ATXN3: variants seen among roughly 807,000 people sequenced by gnomAD.
The protein encoded by ATXN3 is ataxin 3.
ATXN3 carries 28 observed loss-of-function variants against 58.2 expected under a neutral mutation model. The observed-to-expected ratio is 0.48, with a 90% CI of 0.36 to 0.66. ATXN3 has a LOEUF of 0.66. ATXN3 is among the 30% of genes least tolerant of loss of function. ATXN3 has a pLI of 0.00. For missense variants in ATXN3, 321 were observed against 422.1 expected (o/e 0.76, Z 2.10); for synonymous variants, 113 against 138.5 (o/e 0.82, Z 1.29).
At chr14:92,090,034 C>T (rs1180916348) in intron 5 of ATXN3, among the ~76,000 whole-genome samples, 2 of 138,118 alleles carry the variant, frequency 1.4e-5, no homozygotes, top group African/African-American at 5.6e-5. Flanking sequence ...GAATTTGAGA[C>T]CAGCCTGGGC....
rs1460173070 is a variant in ATXN3 at position 92,059,146 on chromosome 14, G to A, written c.*5174C>T. 2.6e-5 allele frequency: 4 copies of A among 152,026 alleles called. No individual in the cohort carries two copies. The highest frequency in any genetic ancestry group is 7.2e-5 in the African/African-American group (3 of 41,464). The allele number at this position is 152,026 out of a possible 1,614,324, so 9.4% of individuals were successfully genotyped here. On this transcript the variant is annotated 3_prime_UTR_variant, in exon 11 of 11. Transcript: ENST00000644486. The stretch of plus-strand genomic sequence containing the variant: ...CAATTACGACAAATTTAGAAGTTAC[G>A]TTATTAGCACTAATTCTTAAAATGC...
chr14:92,069,650 G>GC, intron 10 of ATXN3, among the ~76,000 whole-genome samples: 1 of 152,200 alleles, frequency 6.6e-6, no homozygotes, highest in East Asian at 1.9e-4. Flanking sequence ...GGGATTATAG[G>GC]CATGGGCCAC....
At chr14:92,079,551 G>T in intron 9 of ATXN3, 2 of 418,714 alleles carry the variant, frequency 4.8e-6, no homozygotes, top group Non-Finnish European at 6.4e-6. Flanking sequence ...TATAGGTGCT[G>T]CTAATATACT....
At position 92,060,270 on chromosome 14, in the gene ATXN3, A is replaced by ATATACACACACATATATATATATATAT. The variant is rs1555392594; in HGVS notation, c.*4049_*4050insATATATATATATATATGTGTGTGTATA. ...CACACATATATATATATATATATAT[A>ATATACACACACATATATATATATATAT]TTTTTTTTTTTCAGAAACAGTGTCT... On this transcript the variant is annotated 3_prime_UTR_variant, in exon 11 of 11. Coordinates refer to ENST00000644486, the MANE Select transcript of ATXN3 (RefSeq NM_004993.6). The ATATACACACACATATATATATATATAT allele has an allele frequency of 1.7e-5, 2 of 117,420 alleles. No homozygotes were observed. Among genetic ancestry groups the ATATACACACACATATATATATATATAT allele is most frequent in the African/African-American group, 7.1e-5 (2 of 28,294 alleles). 7.3% of individuals were successfully genotyped at this position (117,420 alleles called of 1,614,324 possible).
In ATXN3 at chr14:92,070,758, TTTC is replaced by T; in HGVS notation, c.991+174_991+176del. The stretch of plus-strand genomic sequence containing the variant: ...ACCACATCTAGCTTTTTTTTTTTTT[TTTC>T]TTTTGGTAACTGCTCCTTAATCCAG... On this transcript the variant is annotated intron_variant, in intron 10 of 10. Coordinates refer to ENST00000644486, the MANE Select transcript of ATXN3 (RefSeq NM_004993.6). 1.0e-3 allele frequency: 1,376 copies of T among 1,326,900 alleles called. 6 individuals are homozygous for T. The highest frequency in any genetic ancestry group is 4.1e-3 in the East Asian group (143 of 34,754). 82.2% of individuals were successfully genotyped at this position (1,326,900 alleles called of 1,614,324 possible).
intron 1 of ATXN3, among the ~76,000 whole-genome samples, chr14:92,101,485 A>G (rs577246059): frequency 3.9e-5 from 6 of 152,276 alleles, no homozygotes; most frequent in South Asian, 2.1e-4. Flanking sequence ...ATCTCAAACT[A>G]TCCCCAGCCA....
intron 9 of ATXN3, among the ~76,000 whole-genome samples, chr14:92,075,673 A>C (rs1375291910): frequency 6.6e-6 from 1 of 152,196 alleles, no homozygotes; most frequent in Non-Finnish European, 1.5e-5. Context: ...GGGAAGAAAG[A>C]GTTAGCTTGA....
At chr14:92,075,680 T>C (rs1723270865) in intron 9 of ATXN3, among the ~76,000 whole-genome samples, 1 of 152,130 alleles carries the variant, frequency 6.6e-6, no homozygotes, top group South Asian at 2.1e-4. Flanking sequence ...AAGAGTTAGC[T>C]TGATAACCTT....
intron 1 of ATXN3, among the ~76,000 whole-genome samples, chr14:92,101,894 C>G (rs901313304): frequency 6.7e-6 from 1 of 148,870 alleles, no homozygotes; most frequent in African/African-American, 2.5e-5. Flanking sequence ...GTAGCTCACG[C>G]CTGTAATCCC....
intron 3 of ATXN3, among the ~76,000 whole-genome samples, chr14:92,094,083 C>A (rs1025662718): frequency 6.6e-6 from 1 of 151,706 alleles, no homozygotes. Flanking sequence ...GCTGGGATTA[C>A]AAGCACACGC....
intron 4 of ATXN3, 71 bp downstream of exon 4, chr14:92,093,675 C>T: frequency 8.5e-7 from 1 of 1,179,736 alleles, no homozygotes. Flanking sequence ...TATTTCTCTT[C>T]TTTAAGAAAT....
At chr14:92,045,883 G>T (rs750604472) in intron 2 of ATXN3, among the ~76,000 whole-genome samples, 3 of 152,246 alleles carry the variant, frequency 2.0e-5, no homozygotes, top group African/African-American at 7.2e-5. Context: ...GTGAGGGACA[G>T]AAGTTAGAAA....
At chr14:92,086,668 G>A (rs1027237942) in intron 6 of ATXN3, among the ~76,000 whole-genome samples, 1 of 151,864 alleles carries the variant, frequency 6.6e-6, no homozygotes, top group Non-Finnish European at 1.5e-5. Flanking sequence ...AGGAGGCAGA[G>A]TTCAAGAAAA....
In ATXN3 at chr14:92,058,855, A is replaced by G. The variant is rs909912895; in HGVS notation, c.*5465T>C. On this transcript the variant is annotated 3_prime_UTR_variant, in exon 11 of 11. Transcript: ENST00000644486. ...CTGTACTTGAATTTCAAATATTTATACAGAACAGTAATTTTTAAAAAGTTA... is the reference window on the plus strand; with the variant it reads ...CTGTACTTGAATTTCAAATATTTATGCAGAACAGTAATTTTTAAAAAGTTA... 6.6e-6 allele frequency: 1 copy of G among 152,212 alleles called. No homozygotes were observed. The highest frequency in any genetic ancestry group is 1.5e-5 in the Non-Finnish European group (1 of 68,036). The allele number at this position is 152,212 out of a possible 1,614,324, so 9.4% of individuals were successfully genotyped here.
At chr14:92,099,358 G>C (rs2066170894) in intron 1 of ATXN3, among the ~76,000 whole-genome samples, 1 of 152,214 alleles carries the variant, frequency 6.6e-6, no homozygotes, top group African/African-American at 2.4e-5. Flanking sequence ...ACAACATTGA[G>C]ACAGCCTCAG....
intron 6 of ATXN3, among the ~76,000 whole-genome samples, chr14:92,087,775 C>T (rs1289901845): frequency 2.6e-5 from 4 of 152,094 alleles, no homozygotes; most frequent in Non-Finnish European, 5.9e-5. Context: ...AAAAAACAGA[C>T]AAAACATGGT....
rs1294587813 is a variant in ATXN3 at position 92,059,008 on chromosome 14, G to A, written c.*5312C>T. The A allele has an allele frequency of 6.7e-6, 1 of 150,374 alleles. No individual in the cohort carries two copies. Among genetic ancestry groups the A allele is most frequent in the East Asian group, 1.9e-4 (1 of 5,148 alleles). 9.3% of individuals were successfully genotyped at this position (150,374 alleles called of 1,614,324 possible). ...TCCTTGAACTATGCAAGAGACAATT[G>A]AGAGCTTCCTAAATGCATCAGGAAT... is the stretch of plus-strand genomic sequence containing the variant. On this transcript the variant is annotated 3_prime_UTR_variant, in exon 11 of 11. Transcript: ENST00000644486.
upstream of ATXN3, among the ~76,000 whole-genome samples, chr14:92,052,741 A>G (rs2057453122): frequency 6.6e-6 from 1 of 152,156 alleles, no homozygotes; most frequent in Non-Finnish European, 1.5e-5. Flanking sequence ...CCAGGTGCCC[A>G]GAGAGCTGAA....
rs55692120 is a variant in ATXN3 at position 92,062,323 on chromosome 14, A to C, written c.*1997T>G. The C allele has an allele frequency of 7.9e-5, 12 of 152,178 alleles. No individual in the cohort carries two copies. Among genetic ancestry groups the C allele is most frequent in the Non-Finnish European group, 1.8e-4 (12 of 68,024 alleles). 9.4% of individuals were successfully genotyped at this position (152,178 alleles called of 1,614,324 possible). A position where few individuals can be genotyped will look rare whatever the true frequency, so the allele number is the denominator to read the frequency against. ...AAAGTCAAACATGCCATATTTTCTT[A>C]AGTGCTTTAACTAGGGTATATATGA... On this transcript the variant is annotated 3_prime_UTR_variant, in exon 11 of 11. Transcript: ENST00000644486.
Sources: allele counts gnomAD v4.1 joint callset (sites outside exome capture counted in the v4.1 genomes callset), GRCh38; gene constraint gnomAD v4.1.1; transcripts MANE v1.5; gene names NCBI Gene and HGNC (gene_info 2026-07-23, HGNC 2026-07-21).